The following FAM13A variants were observed in gnomAD, a reference collection of about 807,000 sequenced individuals.
FAM13A encodes the protein protein FAM13A.
In FAM13A, 76 loss-of-function variants were observed where a neutral mutation model predicts 129.6. The ratio of observed to expected loss-of-function variants is 0.59; its 90% CI spans 0.49 to 0.71. The LOEUF (loss-of-function observed/expected upper bound fraction) is 0.71, where lower values mean the gene tolerates loss of function less well. Among genes scored for constraint, FAM13A ranks in the 30% least tolerant of loss-of-function variants. FAM13A has a pLI of 0.00. For synonymous variants in FAM13A, 443 were observed against 449.9 expected (o/e 0.98, Z 0.20); for missense variants, 1,108 against 1,249.3 (o/e 0.89, Z 1.70).
At chr4:88,834,556 A>C (rs181008430) in intron 7 of FAM13A, among the ~76,000 whole-genome samples, 1 of 152,182 alleles carries the variant, frequency 6.6e-6, no homozygotes, top group Non-Finnish European at 1.5e-5. Context: ...TACACTCTAA[A>C]TATATACAAT....
chr4:88,786,630 C>A (rs1012072058), intron 10 of FAM13A, among the ~76,000 whole-genome samples: 3 of 152,042 alleles, frequency 2.0e-5, no homozygotes, highest in Non-Finnish European at 4.4e-5. Context: ...AAAAGTACTG[C>A]ACATGCTACT....
intron 4 of FAM13A, among the ~76,000 whole-genome samples, chr4:88,974,861 G>A (rs1760687480): frequency 6.6e-6 from 1 of 152,102 alleles, no homozygotes; most frequent in Admixed American, 6.5e-5. Flanking sequence ...TAGTTCTCGG[G>A]CATAGACATT....
intron 5 of FAM13A, among the ~76,000 whole-genome samples, chr4:88,918,832 T>C (rs1750537504): frequency 6.6e-6 from 1 of 152,194 alleles, no homozygotes; most frequent in African/African-American, 2.4e-5. Flanking sequence ...ATTTTCAGCC[T>C]CTCTTCCAGT....
At chr4:89,032,012 G>A (rs1457448663) in intron 1 of FAM13A, among the ~76,000 whole-genome samples, 1 of 152,032 alleles carries the variant, frequency 6.6e-6, no homozygotes, top group Non-Finnish European at 1.5e-5. Flanking sequence ...GAGGTCAGGA[G>A]ATCGAGACCA....
chr4:89,041,751 T>C (rs1222948873), intron 1 of FAM13A, among the ~76,000 whole-genome samples: 1 of 151,908 alleles, frequency 6.6e-6, no homozygotes, highest in African/African-American at 2.4e-5. Context: ...TGAAAGTCCT[T>C]CTCTACTAAA....
intron 1 of FAM13A, among the ~76,000 whole-genome samples, chr4:89,035,164 C>T (rs984007802): frequency 6.6e-6 from 1 of 151,662 alleles, no homozygotes; most frequent in East Asian, 1.9e-4. Context: ...ATAGTGGGAG[C>T]GAAACACTGG....
intron 5 of FAM13A, among the ~76,000 whole-genome samples, chr4:88,920,518 C>G (rs1561338436): frequency 6.6e-6 from 1 of 152,156 alleles, no homozygotes; most frequent in Non-Finnish European, 1.5e-5. Flanking sequence ...AACTAATAAA[C>G]AGAAAGGACA....
At position 88,888,936 on chromosome 4, in the gene FAM13A, C is replaced by CAA. The variant is rs896287129; in HGVS notation, c.843+17441_843+17442dup. ...GGGCGACAGAGCGAGACTCCGTCTC[C>CAA]AAAAAAAAAAAAAAAAAAAAATTCC... On this transcript the variant is annotated intron_variant, in intron 6 of 23. Coordinates refer to ENST00000264344, the MANE Select transcript of FAM13A (RefSeq NM_014883.4). Among the ~76,000 whole-genome samples the CAA allele has an allele frequency of 4.3e-3, 284 of 65,464 alleles. 3 individuals are homozygous for CAA. The highest frequency in any genetic ancestry group is 0.013 in the African/African-American group (198 of 15,560). 42.9% of individuals were successfully genotyped at this position (65,464 alleles called of 152,430 possible).
chr4:88,945,990 G>GTGTGTGTGTGTATATATATATATATA, intron 4 of FAM13A, among the ~76,000 whole-genome samples: 72 of 61,764 alleles, frequency 1.2e-3, no homozygotes, highest in Middle Eastern at 0.01. Context: ...GTGTGTGTGT[G>GTGTGTGTGTGTATATATATATATATA]TATATATATA....
chr4:88,886,579 A>G (rs1744455777), intron 6 of FAM13A, among the ~76,000 whole-genome samples: 1 of 149,844 alleles, frequency 6.7e-6, no homozygotes, highest in Admixed American at 6.7e-5. Flanking sequence ...CAAGAGTGAG[A>G]CTCCATCTTA....
chr4:89,018,358 G>A (rs1356502785), intron 3 of FAM13A, among the ~76,000 whole-genome samples: 1 of 152,212 alleles, frequency 6.6e-6, no homozygotes, highest in Non-Finnish European at 1.5e-5. Context: ...GAGGCCTCAG[G>A]AGAAACCAAC....
chr4:88,954,060 G>GA (rs1320748382), intron 4 of FAM13A, among the ~76,000 whole-genome samples: 3 of 151,850 alleles, frequency 2.0e-5, no homozygotes, highest in East Asian at 1.9e-4. Flanking sequence ...GTTTACTTCT[G>GA]AAAAAAAATA....
chr4:88,955,389 A>G (rs890586557), intron 4 of FAM13A, among the ~76,000 whole-genome samples: 5 of 152,120 alleles, frequency 3.3e-5, no homozygotes, highest in Non-Finnish European at 7.4e-5. Flanking sequence ...AGCCATGTTG[A>G]ACTGTGAGTC....
At chr4:88,890,828 C>T (rs1474801894) in intron 6 of FAM13A, among the ~76,000 whole-genome samples, 1 of 152,112 alleles carries the variant, frequency 6.6e-6, no homozygotes, top group Non-Finnish European at 1.5e-5. Context: ...TTTGTAACTA[C>T]AGCTAGAATA....
chr4:88,949,236 A>G (rs1465980162), intron 4 of FAM13A, among the ~76,000 whole-genome samples: 4 of 152,186 alleles, frequency 2.6e-5, no homozygotes, highest in African/African-American at 9.7e-5. Context: ...CTTAATTTGT[A>G]ACCCCTTTTG....
At chr4:88,736,860 C>G (rs975197929) in intron 21 of FAM13A, among the ~76,000 whole-genome samples, 3 of 152,066 alleles carry the variant, frequency 2.0e-5, no homozygotes, top group African/African-American at 7.2e-5. Flanking sequence ...GCACCTCATT[C>G]GTAGATTAAG....
chr4:88,948,448 A>C (rs1283540886), intron 4 of FAM13A, among the ~76,000 whole-genome samples: 1 of 151,984 alleles, frequency 6.6e-6, no homozygotes, highest in Non-Finnish European at 1.5e-5. Flanking sequence ...AGTCAACTAA[A>C]AGGGGCATGA....
At chr4:89,042,673 C>T (rs1398947) in intron 1 of FAM13A, among the ~76,000 whole-genome samples, 89,068 of 151,886 alleles carry the variant, frequency 0.59, 26,675 homozygotes, top group Middle Eastern at 0.68. Flanking sequence ...AAAATAAAGA[C>T]CCAACAATCT....
chr4:88,807,742 G>A (rs181979722), intron 7 of FAM13A, among the ~76,000 whole-genome samples: 2 of 152,246 alleles, frequency 1.3e-5, no homozygotes, highest in Non-Finnish European at 2.9e-5. Context: ...CATTATGCCT[G>A]ACAGCACTTA....
Sources: allele counts gnomAD v4.1 joint callset (sites outside exome capture counted in the v4.1 genomes callset), GRCh38; gene constraint gnomAD v4.1.1; transcripts MANE v1.5; gene names NCBI Gene and HGNC (gene_info 2026-07-23, HGNC 2026-07-21).